The following ZSCAN9 variants were observed in gnomAD, a reference collection of about 807,000 sequenced individuals.
The protein encoded by ZSCAN9 is zinc finger and SCAN domain containing 9.
A neutral mutation model predicts 23.0 loss-of-function variants in ZSCAN9; 19 were observed. The observed-to-expected ratio is 0.83, with a 90% CI of 0.58 to 1.21. The LOEUF is 1.21. ZSCAN9 is among the 50% of genes most tolerant of loss of function. The pLI is 0.00. For synonymous variants in ZSCAN9, 155 were observed against 164.8 expected, an observed-to-expected ratio of 0.94 and a Z score of 0.46; for missense variants, 467 against 471.5, an observed-to-expected ratio of 0.99 and a Z score of 0.09.
chr6:28,232,200 G>A (rs1760323639), intron 3 of ZSCAN9, among the ~76,000 whole-genome samples: 1 of 152,148 alleles, frequency 6.6e-6, no homozygotes, highest in Non-Finnish European at 1.5e-5. Context: ...GCGTGGGGGT[G>A]CGTGCCTGTA....
chr6:28,230,334 A>G, intron 3 of ZSCAN9: 1 of 1,527,920 alleles, frequency 6.5e-7, no homozygotes, highest in Non-Finnish European at 8.7e-7. Flanking sequence ...TATGGATTTC[A>G]GATTTAATAC....
At position 28,233,175 on chromosome 6, in the gene ZSCAN9, C is replaced by G; in HGVS notation, c.1182C>G (p.Val394=). Residue 394 remains valine, a synonymous_variant, in exon 4 of 4, where the codon GTC becomes GTG. Coordinates refer to ENST00000252207, the MANE Select transcript of ZSCAN9 (RefSeq NM_006299.5). Reference sequence around the variant, plus strand: ...AGATCCACACAGTGGCTGAGCTGGTCTAGGGCTTGGCTATGAGCAAGTTTT... The same window carrying G: ...AGATCCACACAGTGGCTGAGCTGGTGTAGGGCTTGGCTATGAGCAAGTTTT... ...HQKIHTVAEL[V] 1 of 1,610,958 alleles carries G rather than the reference C, an allele frequency of 6.2e-7. No individual in the cohort carries two copies. Among genetic ancestry groups the G allele is most frequent in the Non-Finnish European group, 8.5e-7 (1 of 1,177,514 alleles).
At chr6:28,226,167 T>C (rs1760111415) in intron 1 of ZSCAN9, among the ~76,000 whole-genome samples, 1 of 152,218 alleles carries the variant, frequency 6.6e-6, no homozygotes. Context: ...CAGTGGGTAA[T>C]TGTGAGGATG....
At chr6:28,230,477 G>T (rs1167229808) in intron 3 of ZSCAN9, 1 of 1,535,778 alleles carries the variant, frequency 6.5e-7, no homozygotes, top group Non-Finnish European at 8.7e-7. Flanking sequence ...AACAACAGAG[G>T]AGTCCTAAGA....
chr6:28,225,864 G>T (rs576129436), intron 1 of ZSCAN9, among the ~76,000 whole-genome samples: 1 of 152,266 alleles, frequency 6.6e-6, no homozygotes, highest in South Asian at 2.1e-4. Flanking sequence ...CATATTCTGG[G>T]TCTCCCTGTA....
chr6:28,233,426 A>G lies in ZSCAN9; in HGVS notation c.*248A>G. 2.1e-6 allele frequency: 1 copy of G among 472,210 alleles called. No individual in the cohort carries two copies. The highest frequency in any genetic ancestry group is 3.4e-6 in the Non-Finnish European group (1 of 292,752). 29.3% of individuals were successfully genotyped at this position (472,210 alleles called of 1,614,324 possible). Reference sequence around the variant, plus strand: ...TTTATAATTTATTTATTTTTTTGAGATGGCTGCTAAACCCTTCTAATAATA... The same window carrying G: ...TTTATAATTTATTTATTTTTTTGAGGTGGCTGCTAAACCCTTCTAATAATA... On this transcript the variant is annotated 3_prime_UTR_variant, in exon 4 of 4. Transcript: ENST00000252207.
At chr6:28,228,584 A>G (rs1760194596) in intron 3 of ZSCAN9, 1 of 154,820 alleles carries the variant, frequency 6.5e-6, no homozygotes, top group African/African-American at 2.4e-5. Flanking sequence ...TTAGGACCTC[A>G]GCATATGTGA....
rs748002222 is a variant in ZSCAN9, at chr6:28,232,804, C to A, written c.811C>A (p.Arg271=). 7 of 1,614,112 alleles carry A rather than the reference C, an allele frequency of 4.3e-6. No individual in the cohort carries two copies. In the South Asian group the frequency reaches 6.6e-5, roughly 15 times the overall value. The change falls in exon 4 of 4, where the codon CGA becomes AGA. Residue 271 remains arginine, a synonymous_variant. Coordinates refer to ENST00000252207, the MANE Select transcript of ZSCAN9 (RefSeq NM_006299.5). ...KSFTQSSGLI[R]HQRIHTGERP... ...CTTTACTCAGAGCTCAGGTCTCATTCGACATCAAAGAATTCATACTGGAGA... is the reference window on the plus strand; with the variant it reads ...CTTTACTCAGAGCTCAGGTCTCATTAGACATCAAAGAATTCATACTGGAGA...
chr6:28,230,519 A>C, intron 3 of ZSCAN9: 1 of 1,528,804 alleles, frequency 6.5e-7, no homozygotes, highest in African/African-American at 1.4e-5. Flanking sequence ...GAGACAGGAC[A>C]GTTAGATATG....
At position 28,227,295 on chromosome 6, in the gene ZSCAN9, A is replaced by T; in HGVS notation, c.211A>T (p.Thr71Ser). ...QETPGPREAL[T>S]RLQELCYQWL... ...GACCCCTGGACCAAGGGAGGCTCTT[A>T]CTCGACTCCAGGAACTTTGCTACCA... The change falls in exon 2 of 4, where the codon ACT becomes TCT. Residue 71 changes from threonine (T) to serine (S), a missense_variant. Transcript: ENST00000252207. The T allele has an allele frequency of 1.2e-6, 2 of 1,614,228 alleles. No homozygotes were observed. Among genetic ancestry groups the T allele is most frequent in the South Asian group, 1.1e-5 (1 of 91,082 alleles).
At chr6:28,230,295 C>A (rs1027768679) in intron 3 of ZSCAN9, 2 of 1,468,316 alleles carry the variant, frequency 1.4e-6, no homozygotes, top group East Asian at 5.1e-5. Flanking sequence ...TGGGAAATGT[C>A]TGAATTTTTA....
At position 28,232,685 on chromosome 6, in the gene ZSCAN9, A is replaced by G. The variant is rs1056197711; in HGVS notation, c.692A>G (p.His231Arg). ...GAGGTATCACAGCAGGATCCCTCAC[A>G]TGGAGAAGTTGGTGAACATAAGGAT... ...TWEVSQQDPS[H>R]GEVGEHKDRI... The change falls in exon 4 of 4, where the codon CAT (histidine) becomes CGT (arginine). Residue 231 changes from histidine to arginine, a missense_variant. By Grantham distance (29) the His-to-Arg change is conservative. Coordinates refer to ENST00000252207, the MANE Select transcript of ZSCAN9 (RefSeq NM_006299.5). The G allele has an allele frequency of 1.9e-6, 3 of 1,614,220 alleles. No individual in the cohort carries two copies. The highest frequency in any genetic ancestry group is 1.1e-5 in the South Asian group (1 of 91,078).
intron 3 of ZSCAN9, among the ~76,000 whole-genome samples, chr6:28,229,648 C>A (rs1760230136): frequency 6.6e-6 from 1 of 152,100 alleles, no homozygotes; most frequent in African/African-American, 2.4e-5. Context: ...AATTCTTAGC[C>A]AAGCAATATT....
At chr6:28,232,534 A>G (rs762078714) in intron 3 of ZSCAN9, 28 bp from the exon 4 acceptor site, 3 of 1,588,816 alleles carry the variant, frequency 1.9e-6, no homozygotes, top group East Asian at 4.5e-5. Flanking sequence ...AACAAGTGAC[A>G]TTTACCTAGC....
intron 3 of ZSCAN9, among the ~76,000 whole-genome samples, chr6:28,231,137 A>C (rs569168234): frequency 3.3e-5 from 5 of 152,344 alleles, no homozygotes; most frequent in Admixed American, 1.3e-4. Flanking sequence ...TTTAATTTAT[A>C]AATTAGGCAT....
chr6:28,232,202 G>T (rs751642114), intron 3 of ZSCAN9, among the ~76,000 whole-genome samples: 1 of 152,140 alleles, frequency 6.6e-6, no homozygotes, highest in Admixed American at 6.5e-5. Context: ...GTGGGGGTGC[G>T]TGCCTGTAGT....
chr6:28,230,509 G>A, intron 3 of ZSCAN9: 5 of 1,533,632 alleles, frequency 3.3e-6, no homozygotes, highest in Non-Finnish European at 2.6e-6. Context: ...TTGTATGTGA[G>A]AGACAGGACA....
chr6:28,227,288 G>C lies in ZSCAN9; in HGVS notation c.204G>C (p.Glu68Asp). The C allele has an allele frequency of 1.2e-6, 2 of 1,614,234 alleles. No homozygotes were observed. Among genetic ancestry groups the C allele is most frequent in the Non-Finnish European group, 1.7e-6 (2 of 1,180,038 alleles). ...ACCAAGAGACCCCTGGACCAAGGGA[G>C]GCTCTTACTCGACTCCAGGAACTTT... ...LCYQETPGPR[E>D]ALTRLQELCY... The change falls in exon 2 of 4, where the codon GAG becomes GAC. Residue 68 changes from glutamate to aspartate, a missense_variant. Glu to Asp is a conservative substitution (Grantham distance 45). Coordinates refer to ENST00000252207, the MANE Select transcript of ZSCAN9 (RefSeq NM_006299.5).
At chr6:28,227,668 A>G (rs370404194) in intron 2 of ZSCAN9, 22 bp from the exon 3 acceptor site, 3 of 1,583,382 alleles carry the variant, frequency 1.9e-6, no homozygotes, top group South Asian at 1.2e-5. Context: ...TCAAAAGTCA[A>G]ATCTTGTCTT....
Sources: gnomAD v4.1 joint callset for allele counts (sites outside exome capture counted in the v4.1 genomes callset) on GRCh38, gnomAD v4.1.1 for gene constraint, MANE v1.5 for transcripts, NCBI Gene and HGNC (gene_info 2026-07-23, HGNC 2026-07-21) for gene names.